NEGR1: variants seen among roughly 807,000 people sequenced by gnomAD.
The protein encoded by NEGR1 is IgLON family member 4.
NEGR1 carries 10 observed loss-of-function variants against 40.9 expected under a neutral mutation model. That is an observed-to-expected ratio of 0.24 (90% confidence interval 0.15 to 0.42). The LOEUF is 0.42. Ranked by LOEUF, NEGR1 falls within the 10% of genes least tolerant of loss-of-function variation. The pLI is 1.00. For synonymous variants in NEGR1, 185 were observed against 166.8 expected (o/e 1.11, Z -0.84); for missense variants, 352 against 438.9 (o/e 0.80, Z 1.77).
At chr1:72,140,587 T>C (rs1650634562) in intron 1 of NEGR1, among the ~76,000 whole-genome samples, 1 of 152,064 alleles carries the variant, frequency 6.6e-6, no homozygotes, top group South Asian at 2.1e-4. Flanking sequence ...GACAAATAAA[T>C]GTCAACATGA....
At chr1:72,038,879 C>T (rs1461174782) in intron 1 of NEGR1, among the ~76,000 whole-genome samples, 2 of 151,928 alleles carry the variant, frequency 1.3e-5, no homozygotes, top group African/African-American at 4.8e-5. Context: ...GAGCTCACTA[C>T]TGAGCAAAGG....
chr1:72,057,624 C>T (rs1249664232), intron 1 of NEGR1, among the ~76,000 whole-genome samples: 2 of 151,434 alleles, frequency 1.3e-5, no homozygotes, highest in African/African-American at 4.8e-5. Flanking sequence ...TCCAGCCCCT[C>T]AACACACACT....
chr1:71,693,395 T>C (rs1345103206), intron 4 of NEGR1, among the ~76,000 whole-genome samples: 1 of 151,632 alleles, frequency 6.6e-6, no homozygotes, highest in Non-Finnish European at 1.5e-5. Flanking sequence ...ACAACTATTT[T>C]TGGACACCTT....
intron 6 of NEGR1, among the ~76,000 whole-genome samples, chr1:71,510,845 T>A (rs1013933820): frequency 1.3e-5 from 2 of 152,126 alleles, no homozygotes; most frequent in African/African-American, 2.4e-5. Context: ...TGGGTTTGGG[T>A]GGGTGAATGT....
intron 6 of NEGR1, among the ~76,000 whole-genome samples, chr1:71,504,182 G>A (rs896192720): frequency 7.9e-5 from 12 of 151,764 alleles, no homozygotes; most frequent in Admixed American, 2.0e-4. Flanking sequence ...CCTCTTAAAG[G>A]TTAACTTTGT....
At chr1:72,057,410 C>T (rs1450024969) in intron 1 of NEGR1, among the ~76,000 whole-genome samples, 2 of 151,504 alleles carry the variant, frequency 1.3e-5, no homozygotes, top group Admixed American at 6.6e-5. Flanking sequence ...ATGCTCCTAT[C>T]GTCATAGTTG....
chr1:72,020,083 C>T (rs1646743418), intron 1 of NEGR1, among the ~76,000 whole-genome samples: 1 of 152,168 alleles, frequency 6.6e-6, no homozygotes, highest in Non-Finnish European at 1.5e-5. Context: ...ACACTGCATA[C>T]TTTATTATTA....
At chr1:72,162,153 C>T (rs1256043750) in intron 1 of NEGR1, among the ~76,000 whole-genome samples, 7 of 151,672 alleles carry the variant, frequency 4.6e-5, no homozygotes, top group Non-Finnish European at 5.9e-5. Context: ...AAGAAAATGA[C>T]ATAAAAACAA....
chr1:71,790,600 G>A (rs923329089), intron 2 of NEGR1, among the ~76,000 whole-genome samples: 1 of 151,998 alleles, frequency 6.6e-6, no homozygotes, highest in African/African-American at 2.4e-5. Context: ...GTAGAAAAAA[G>A]TATGGTAGAA....
At chr1:71,438,973 C>T (rs1646528455) in intron 6 of NEGR1, among the ~76,000 whole-genome samples, 1 of 152,150 alleles carries the variant, frequency 6.6e-6, no homozygotes, top group African/African-American at 2.4e-5. Context: ...GAAGCATATT[C>T]TTTTTGCCCT....
intron 1 of NEGR1, among the ~76,000 whole-genome samples, chr1:72,129,723 G>C (rs1413023142): frequency 6.6e-6 from 1 of 152,150 alleles, no homozygotes; most frequent in Non-Finnish European, 1.5e-5. Context: ...AAAAGGAATG[G>C]AAATAGGTAG....
chr1:71,638,631 A>C (rs1462696517), intron 4 of NEGR1, among the ~76,000 whole-genome samples: 1 of 152,094 alleles, frequency 6.6e-6, no homozygotes, highest in Non-Finnish European at 1.5e-5. Context: ...CAGTTCTGTA[A>C]GTACTATTAT....
At position 71,407,033 on chromosome 1, in the gene NEGR1, C is replaced by G. The variant is rs1245764247; in HGVS notation, c.*413G>C. 6.5e-6 allele frequency: 1 copy of G among 152,982 alleles called. No homozygotes were observed. Among genetic ancestry groups the G allele is most frequent in the Non-Finnish European group, 1.5e-5 (1 of 68,336 alleles). 9.5% of individuals were successfully genotyped at this position (152,982 alleles called of 1,614,324 possible). Reference sequence around the variant, plus strand: ...ATGCATCTTTGTAAATGTGGATTGACTCTTATTGAAACAGGGAACTGAATG... The same window carrying G: ...ATGCATCTTTGTAAATGTGGATTGAGTCTTATTGAAACAGGGAACTGAATG... On this transcript the variant is annotated 3_prime_UTR_variant, in exon 7 of 7. Transcript: ENST00000357731.
intron 1 of NEGR1, among the ~76,000 whole-genome samples, chr1:72,195,255 G>C (rs1652960775): frequency 6.6e-6 from 1 of 151,956 alleles, no homozygotes; most frequent in Admixed American, 6.6e-5. Flanking sequence ...TGCTCTTAGT[G>C]TTGTTTATTA....
chr1:71,692,043 G>C (rs1653301618), intron 4 of NEGR1, among the ~76,000 whole-genome samples: 1 of 151,572 alleles, frequency 6.6e-6, no homozygotes, highest in Admixed American at 6.6e-5. Flanking sequence ...TTGTCACACT[G>C]TATTAAAACT....
At chr1:72,020,780 G>T (rs1646749616) in intron 1 of NEGR1, among the ~76,000 whole-genome samples, 1 of 152,114 alleles carries the variant, frequency 6.6e-6, no homozygotes, top group Admixed American at 6.5e-5. Flanking sequence ...GCTTAATTTT[G>T]GAGGGATTTT....
At chr1:71,650,352 A>G (rs1651671117) in intron 4 of NEGR1, among the ~76,000 whole-genome samples, 1 of 152,170 alleles carries the variant, frequency 6.6e-6, no homozygotes, top group Non-Finnish European at 1.5e-5. Context: ...ACAGATGGGG[A>G]AATCAGATCA....
chr1:72,125,007 C>CTCTAACTTACT (rs1159722159), intron 1 of NEGR1, among the ~76,000 whole-genome samples: 1 of 151,998 alleles, frequency 6.6e-6, no homozygotes, highest in East Asian at 1.9e-4. Flanking sequence ...TCAAAAGTTA[C>CTCTAACTTACT]TCTAACTTAC....
chr1:71,833,752 G>T (rs1658919959), intron 2 of NEGR1, among the ~76,000 whole-genome samples: 1 of 152,030 alleles, frequency 6.6e-6, no homozygotes, highest in Admixed American at 6.6e-5. Flanking sequence ...AAGCAATTTG[G>T]TTCCAAGTGC....
Sources: gnomAD v4.1 joint callset for allele counts (sites outside exome capture counted in the v4.1 genomes callset) on GRCh38, gnomAD v4.1.1 for gene constraint, MANE v1.5 for transcripts, NCBI Gene and HGNC (gene_info 2026-07-23, HGNC 2026-07-21) for gene names.